BAHCC1: variants seen among roughly 807,000 people sequenced by gnomAD.
BAHCC1 encodes the protein BAH and coiled-coil domain-containing protein 1.
A neutral mutation model predicts 88.2 loss-of-function variants in BAHCC1; 43 were observed. The ratio of observed to expected loss-of-function variants is 0.49; its 90% CI spans 0.38 to 0.63. The LOEUF (loss-of-function observed/expected upper bound fraction) is 0.63, where lower values mean the gene tolerates loss of function less well. Among genes scored for constraint, BAHCC1 ranks in the 20% least tolerant of loss-of-function variants. The probability of loss-of-function intolerance (pLI) is 0.00; values close to 1 mark genes in which losing one functional copy is unlikely to be tolerated. For missense variants in BAHCC1, 3,023 were observed against 1,654.8 expected (o/e 1.83, Z -14.34); for synonymous variants, 1,510 against 745.5 (o/e 2.03, Z -16.71).
chr17:81,400,066 G>T, intron 2 of BAHCC1, 149 bp downstream of exon 2: 1 of 732,382 alleles, frequency 1.4e-6, no homozygotes. Context: ...GGGGCCGCGC[G>T]TCCCGCCAGC....
At chr17:81,400,990 A>G (rs2063809031) in intron 2 of BAHCC1, 1 of 152,380 alleles carries the variant, frequency 6.6e-6, no homozygotes, top group African/African-American at 2.4e-5. Context: ...TGTTCTAAAC[A>G]TCAGAAATGT....
At chr17:81,400,771 T>C (rs1308237534) in intron 2 of BAHCC1, 1 of 154,182 alleles carries the variant, frequency 6.5e-6, no homozygotes, top group African/African-American at 2.4e-5. Context: ...AGAGGATCAG[T>C]CCTTGGCAGA....
At chr17:81,446,359 G>C (rs2064526916) in intron 10 of BAHCC1, among the ~76,000 whole-genome samples, 1 of 151,092 alleles carries the variant, frequency 6.6e-6, no homozygotes, top group African/African-American at 2.4e-5. Context: ...GGAAAACCCT[G>C]ATTAAAGCAT....
chr17:81,409,928 C>T lies in BAHCC1; in HGVS notation c.178+10011C>T, dbSNP rs146172341. 1.9e-3 allele frequency: 362 copies of T among 189,564 alleles called. 1 individual carries two copies. The highest frequency in any genetic ancestry group is 3.3e-3 in the Non-Finnish European group (276 of 84,838). 11.7% of individuals were successfully genotyped at this position (189,564 alleles called of 1,614,324 possible). A position where few individuals can be genotyped will look rare whatever the true frequency, so the allele number is the denominator to read the frequency against. ...GGCCCGGGAGAGCACCTGGCCTCAG[C>T]GCCTGCCCGAGCTGAGGGGAGCGTG... On this transcript the variant is annotated intron_variant, in intron 2 of 27. Coordinates refer to ENST00000675386, the MANE Select transcript of BAHCC1 (RefSeq NM_001377448.1).
At chr17:81,444,863 G>A in intron 8 of BAHCC1, 37 bp downstream of exon 8, 1 of 751,244 alleles carries the variant, frequency 1.3e-6, no homozygotes, top group East Asian at 2.5e-5. Flanking sequence ...TACTTGGGGG[G>A]TGCTGTTGGA....
At chr17:81,455,147 A>G (rs2064723294) in intron 14 of BAHCC1, 120 bp from the exon 15 acceptor site, 3 of 632,328 alleles carry the variant, frequency 4.7e-6, no homozygotes, top group Admixed American at 2.3e-5. Context: ...TGTCTGCCCG[A>G]GACGTGGGGC....
At chr17:81,450,889 T>G (rs977926883) in intron 11 of BAHCC1, among the ~76,000 whole-genome samples, 3 of 152,134 alleles carry the variant, frequency 2.0e-5, no homozygotes. Context: ...GCCCAGGCAA[T>G]AAAGCGAGAC....
At chr17:81,422,029 G>T (rs545525013) in intron 2 of BAHCC1, 98 of 301,034 alleles carry the variant, frequency 3.3e-4, no homozygotes, top group African/African-American at 2.2e-3. Flanking sequence ...TTTTTTTCTT[G>T]GAGGCGGAGT....
chr17:81,403,461 G>T (rs1252301285), intron 2 of BAHCC1, among the ~76,000 whole-genome samples: 1 of 142,692 alleles, frequency 7.0e-6, no homozygotes, highest in African/African-American at 2.6e-5. Context: ...TGCTGAAAAA[G>T]TGCTTCCTAC....
At chr17:81,453,398 C>T (rs1225736764) in intron 14 of BAHCC1, among the ~76,000 whole-genome samples, 10 of 152,256 alleles carry the variant, frequency 6.6e-5, no homozygotes, top group Middle Eastern at 3.2e-3. Flanking sequence ...ACACGATTGG[C>T]GCGTGCGTGT....
chr17:81,428,970 A>G (rs2064230865), intron 3 of BAHCC1, among the ~76,000 whole-genome samples: 2 of 152,188 alleles, frequency 1.3e-5, no homozygotes, highest in African/African-American at 4.8e-5. Flanking sequence ...GTCCCAGGGA[A>G]GTAGCTCCTC....
rs782611022 is a variant in BAHCC1, at chr17:81,461,276, G to A, written c.6613G>A (p.Glu2205Lys). ...EKGGRRRAGG[E>K]FLVKLDHEGV... is the part of the protein sequence containing the mutation. Reference sequence around the variant, plus strand: ...GGGTGGGCGGCGGCGGGCGGGCGGTGAGTTCCTGGTCAAGCTGGACCACGA... The same window carrying A: ...GGGTGGGCGGCGGCGGGCGGGCGGTAAGTTCCTGGTCAAGCTGGACCACGA... Residue 2205 changes from glutamate to lysine, a missense_variant, in exon 26 of 28, where the codon GAG (glutamate) becomes AAG (lysine). Transcript: ENST00000675386. 1.4e-6 allele frequency: 1 copy of A among 704,800 alleles called. No individual in the cohort carries two copies. The highest frequency in any genetic ancestry group is 2.6e-6 in the Non-Finnish European group (1 of 382,984). The allele number at this position is 704,800 out of a possible 1,614,324, so 43.7% of individuals were successfully genotyped here.
intron 18 of BAHCC1, 70 bp downstream of exon 18, chr17:81,458,536 C>CCCCGCACTCT (rs1453378539): frequency 1.6e-5 from 11 of 675,708 alleles, no homozygotes; most frequent in Non-Finnish European, 3.0e-5. Context: ...CCCCGCCCTC[C>CCCCGCACTCT]CCCGCACGCT....
rs2030535643 is a variant in BAHCC1 at position 81,464,089 on chromosome 17, G to A, written c.*272G>A. On this transcript the variant is annotated 3_prime_UTR_variant, in exon 28 of 28. Coordinates refer to ENST00000675386, the MANE Select transcript of BAHCC1 (RefSeq NM_001377448.1). ...GCCCGCCCCACCCACAGCGCCCTCC[G>A]TTTCCCGCACCGGCAGTTCACGGGA... The A allele has an allele frequency of 1.3e-5, 7 of 538,202 alleles. No homozygotes were observed. The highest frequency in any genetic ancestry group is 1.1e-4 in the South Asian group (5 of 45,652). 33.3% of individuals were successfully genotyped at this position (538,202 alleles called of 1,614,324 possible). A position where few individuals can be genotyped will look rare whatever the true frequency, so the allele number is the denominator to read the frequency against.
chr17:81,458,591 T>TA, intron 18 of BAHCC1, 30 bp from the exon 19 acceptor site: 1 of 681,258 alleles, frequency 1.5e-6, no homozygotes. Context: ...CACCCTTGAC[T>TA]CAGCCCCTTC....
In BAHCC1 at chr17:81,399,910, G is replaced by T; in HGVS notation, c.171G>T (p.Ser57=). Residue 57 remains serine (S), a synonymous_variant, in exon 2 of 28, where the codon TCG becomes TCT. Transcript: ENST00000675386. The surrounding 1 kb of genome is among the most constrained non-coding windows in gnomAD (Gnocchi z 4.5). ...KYFPSPLPMA[S]HTASSRLMGS... is the part of the protein sequence containing the mutation. Reference sequence around the variant, plus strand: ...TCCCGTCGCCGTTGCCCATGGCTTCGCACACAGGTCAGTGCTCGGCCGGGG... The same window carrying T: ...TCCCGTCGCCGTTGCCCATGGCTTCTCACACAGGTCAGTGCTCGGCCGGGG... 1 of 1,442,200 alleles carries T rather than the reference G, an allele frequency of 6.9e-7. No individual in the cohort carries two copies. The highest frequency in any genetic ancestry group is 9.1e-7 in the Non-Finnish European group (1 of 1,094,354). The allele number at this position is 1,442,200 out of a possible 1,614,324, so 89.3% of individuals were successfully genotyped here. A position where few individuals can be genotyped will look rare whatever the true frequency, so the allele number is the denominator to read the frequency against.
Position 81,461,646 on chromosome 17 carries a change from C to A in BAHCC1, c.6983C>A (p.Ser2328Tyr). 1 of 736,852 alleles carries A rather than the reference C, an allele frequency of 1.4e-6. No individual in the cohort carries two copies. Among genetic ancestry groups the A allele is most frequent in the Non-Finnish European group, 2.5e-6 (1 of 395,992 alleles). The allele number at this position is 736,852 out of a possible 1,614,324, so 45.6% of individuals were successfully genotyped here. A position where few individuals can be genotyped will look rare whatever the true frequency, so the allele number is the denominator to read the frequency against. ...TCCTCTGGCTCGTCCACCTCCTCCT[C>A]CTCAGGCTCCGTGTCCACCTCCAGC... ...SSSSGSSTSS[S>Y]SGSVSTSSLC... Residue 2328 changes from serine (S) to tyrosine (Y), a missense_variant, in exon 26 of 28, where the codon TCC becomes TAC. Ser to Tyr is a moderately radical substitution (Grantham distance 144, BLOSUM62 -2). Transcript: ENST00000675386.
At chr17:81,406,532 C>A (rs989056308) in intron 2 of BAHCC1, among the ~76,000 whole-genome samples, 2 of 152,266 alleles carry the variant, frequency 1.3e-5, no homozygotes, top group Non-Finnish European at 2.9e-5. Flanking sequence ...CCAGGCCCTT[C>A]TGCAAAGGAT....
intron 2 of BAHCC1, among the ~76,000 whole-genome samples, chr17:81,400,226 C>G (rs1192372288): frequency 6.6e-6 from 1 of 152,216 alleles, no homozygotes; most frequent in African/African-American, 2.4e-5. Context: ...ATCTAAATTC[C>G]ACGGAAACCT....
Sources: gnomAD v4.1 joint callset for allele counts (sites outside exome capture counted in the v4.1 genomes callset) on GRCh38, gnomAD v4.1.1 for gene constraint, Gnocchi (gnomAD v3.1) non-coding constraint, MANE v1.5 for transcripts, NCBI Gene and HGNC (gene_info 2026-07-23, HGNC 2026-07-21) for gene names.